LYVE1: variants seen among roughly 807,000 people sequenced by gnomAD.
LYVE1 encodes the protein lymphatic vessel endothelial hyaluronan receptor 1, also known as lymphatic vessel endothelial hyaluronic acid receptor 1.
In LYVE1, 29 loss-of-function variants were observed where a neutral mutation model predicts 31.5. The observed-to-expected ratio is 0.92, with a 90% CI of 0.69 to 1.26. The LOEUF is 1.26. LYVE1 is among the 50% of genes most tolerant of loss of function. The pLI, the probability that LYVE1 is intolerant of heterozygous loss-of-function variation, is 0.00. For synonymous variants in LYVE1, 134 were observed against 139.4 expected (o/e 0.96, Z 0.27); for missense variants, 376 against 380.2 (o/e 0.99, Z 0.09).
Position 10,568,575 on chromosome 11 carries a change from A to C in LYVE1, c.-43T>G, listed in dbSNP as rs921542009. ...AGCCAGGGAAACACCTCAGATGGCC[A>C]CTGGTGATATGAGAGGCAGATGCTC... On this transcript the variant is annotated 5_prime_UTR_variant, in exon 1 of 6. Transcript: ENST00000256178. The C allele has an allele frequency of 8.1e-6, 13 of 1,601,584 alleles. No homozygotes were observed. The highest frequency in any genetic ancestry group is 1.1e-5 in the Non-Finnish European group (13 of 1,173,480).
At chr11:10,563,677 A>G (rs1850476885) in intron 3 of LYVE1, among the ~76,000 whole-genome samples, 1 of 152,132 alleles carries the variant, frequency 6.6e-6, no homozygotes, top group African/African-American at 2.4e-5. Context: ...TGCTTATCTT[A>G]TAGGATGCAG....
chr11:10,567,728 C>CT (rs959367674), intron 1 of LYVE1, among the ~76,000 whole-genome samples: 4 of 152,212 alleles, frequency 2.6e-5, no homozygotes, highest in African/African-American at 9.6e-5. Flanking sequence ...CCAGCGATCA[C>CT]TTTAAGTCAT....
At chr11:10,567,487 C>G (rs1447728284) in intron 1 of LYVE1, among the ~76,000 whole-genome samples, 1 of 152,190 alleles carries the variant, frequency 6.6e-6, no homozygotes, top group African/African-American at 2.4e-5. Context: ...AAAAACTAAT[C>G]ATATAACTCT....
Position 10,563,815 on chromosome 11 carries a change from G to T in LYVE1, c.397+125C>A, listed in dbSNP as rs17403956. The T allele has an allele frequency of 1.2e-5, 15 of 1,224,114 alleles. No homozygotes were observed. The South Asian group carries it at 2.0e-4, about 17-fold the overall frequency. 75.8% of individuals were successfully genotyped at this position (1,224,114 alleles called of 1,614,324 possible). A position where few individuals can be genotyped will look rare whatever the true frequency, so the allele number is the denominator to read the frequency against. ...CTAGCCTGGCCAGAGAGACAGTGTC[G>T]GGAGAATTAGATGGCCGTGGCTGTG... On this transcript the variant is annotated intron_variant, in intron 3 of 5. Coordinates refer to ENST00000256178, the MANE Select transcript of LYVE1 (RefSeq NM_006691.4).
rs761627251 is a variant in LYVE1 at position 10,563,936 on chromosome 11, T to G, written c.397+4A>C. ...CACGTGGAAAGGTTGCAGATCAGAC[T>G]CACCAGATGAGTTGTAACAATAGGC... On this transcript the variant is annotated splice_donor_region_variant and intron_variant, in intron 3 of 5. Coordinates refer to ENST00000256178, the MANE Select transcript of LYVE1 (RefSeq NM_006691.4). The G allele has an allele frequency of 1.9e-6, 3 of 1,614,096 alleles. No individual in the cohort carries two copies. Among genetic ancestry groups the G allele is most frequent in the Non-Finnish European group, 2.5e-6 (3 of 1,180,020 alleles).
chr11:10,568,589 AG>A lies in LYVE1; in HGVS notation c.-58del. The A allele has an allele frequency of 6.3e-7, 1 of 1,582,100 alleles. No homozygotes were observed. On this transcript the variant is annotated 5_prime_UTR_variant, in exon 1 of 6. Transcript: ENST00000256178. The stretch of plus-strand genomic sequence containing the variant: ...CTCAGATGGCCACTGGTGATATGAG[AG>A]GCAGATGCTCAATAACTAGTCCGGA...
At chr11:10,559,954 A>C in intron 4 of LYVE1, 60 bp from the exon 5 acceptor site, 3 of 1,207,702 alleles carry the variant, frequency 2.5e-6, no homozygotes, top group East Asian at 2.3e-5. Flanking sequence ...TGTAATGCTC[A>C]TTGCATGATC....
At chr11:10,562,517 C>T (rs190989204) in intron 3 of LYVE1, among the ~76,000 whole-genome samples, 26 of 152,318 alleles carry the variant, frequency 1.7e-4, no homozygotes, top group Admixed American at 3.9e-4. Flanking sequence ...ATTTATCTCT[C>T]GGATCTTCGA....
In LYVE1 at chr11:10,564,240, C is replaced by T; in HGVS notation, c.220G>A (p.Val74Ile). 6.2e-7 allele frequency: 1 copy of T among 1,614,200 alleles called. No homozygotes were observed. The highest frequency in any genetic ancestry group is 1.1e-5 in the South Asian group (1 of 91,092). Residue 74 changes from valine to isoleucine, a missense_variant, in exon 2 of 6, where the codon GTT becomes ATT. Val to Ile is a conservative substitution (Grantham distance 29). Coordinates refer to ENST00000256178, the MANE Select transcript of LYVE1 (RefSeq NM_006691.4). ...LGLSLAGKDQ[V>I]ETALKASFET... is the part of the protein sequence containing the mutation. Reference sequence around the variant, plus strand: ...AAGCTAGCTTTCAAGGCTGTTTCAACTTGGTCCTTGCCGGCCAAACTTAGT... The same window carrying T: ...AAGCTAGCTTTCAAGGCTGTTTCAATTTGGTCCTTGCCGGCCAAACTTAGT...
At chr11:10,561,438 T>C (rs548157370) in intron 3 of LYVE1, among the ~76,000 whole-genome samples, 1 of 152,188 alleles carries the variant, frequency 6.6e-6, no homozygotes, top group South Asian at 2.1e-4. Context: ...AGACCAAATA[T>C]ACACATGTGG....
rs1378092330 is a variant in LYVE1, at chr11:10,558,555, G to A, written c.*556C>T. Reference sequence around the variant, plus strand: ...TCTATTTCTTTATTTTAGCTTTACAGAGATTAGGTCTCAAGTTATGAGAAT... The same window carrying A: ...TCTATTTCTTTATTTTAGCTTTACAAAGATTAGGTCTCAAGTTATGAGAAT... On this transcript the variant is annotated 3_prime_UTR_variant, in exon 6 of 6. Transcript: ENST00000256178. The A allele has an allele frequency of 1.3e-5, 2 of 152,314 alleles. No individual in the cohort carries two copies. The highest frequency in any genetic ancestry group is 2.9e-5 in the Non-Finnish European group (2 of 68,162). 9.4% of individuals were successfully genotyped at this position (152,314 alleles called of 1,614,324 possible).
At chr11:10,562,643 G>A (rs1422299538) in intron 3 of LYVE1, among the ~76,000 whole-genome samples, 3 of 152,198 alleles carry the variant, frequency 2.0e-5, no homozygotes, top group Non-Finnish European at 4.4e-5. Flanking sequence ...ATGACAAACT[G>A]AGAGCAAGTG....
At chr11:10,559,711 T>A (rs1383786274) in intron 5 of LYVE1, 105 bp downstream of exon 5, 3 of 893,026 alleles carry the variant, frequency 3.4e-6, no homozygotes, top group Non-Finnish European at 5.3e-6. Context: ...ATCAGAGGAC[T>A]GCTATCTCCA....
chr11:10,564,010 A>AT lies in LYVE1; in HGVS notation c.326dup (p.Asn109LysfsTer25). ...CCTTCCAAATCAGGACACCCACCCCATTTTTCCCACACTTGGGGTTTGGGC... is the reference window on the plus strand; with the variant it reads ...CCTTCCAAATCAGGACACCCACCCCATTTTTTCCCACACTTGGGGTTTGGGC... On this transcript the variant is annotated frameshift_variant, in exon 3 of 6. Transcript: ENST00000256178. LOFTEE classifies it high-confidence loss of function. The AT allele has an allele frequency of 6.2e-7, 1 of 1,613,888 alleles. No homozygotes were observed.
intron 4 of LYVE1, 84 bp from the exon 5 acceptor site, chr11:10,559,978 C>T (rs1466188314): frequency 5.1e-6 from 5 of 986,600 alleles, no homozygotes; most frequent in South Asian, 1.3e-5. Flanking sequence ...GTGATTGAGA[C>T]AGTAGACAGT....
intron 3 of LYVE1, among the ~76,000 whole-genome samples, 194 bp from the exon 4 acceptor site, chr11:10,560,994 T>A (rs935938111): frequency 6.6e-6 from 1 of 152,246 alleles, no homozygotes; most frequent in Non-Finnish European, 1.5e-5. Context: ...CAAGGCCTTC[T>A]GTGATTTGGC....
intron 1 of LYVE1, among the ~76,000 whole-genome samples, chr11:10,565,833 G>A (rs1043267881): frequency 2.0e-5 from 3 of 150,468 alleles, no homozygotes; most frequent in African/African-American, 2.4e-5. Context: ...TTTTTGAGAC[G>A]GAGTTTCACT....
At chr11:10,559,589 A>C (rs1407548432) in intron 5 of LYVE1, among the ~76,000 whole-genome samples, 1 of 152,104 alleles carries the variant, frequency 6.6e-6, no homozygotes, top group Non-Finnish European at 1.5e-5. Context: ...AATTTTTTTT[A>C]ATTTCTTGAT....
Position 10,559,211 on chromosome 11 carries a change from T to TC in LYVE1, c.868dup (p.Asp290GlyfsTer2). 6.2e-7 allele frequency: 1 copy of TC among 1,614,150 alleles called. No homozygotes were observed. ...CTTTGATTCCTCATTAGGGTTGCTA[T>TC]CATTGGCCTTCTCCTCCTTTACTAC... On this transcript the variant is annotated frameshift_variant, in exon 6 of 6. Transcript: ENST00000256178. LOFTEE classifies it high-confidence loss of function.
Sources: allele counts gnomAD v4.1 joint callset (sites outside exome capture counted in the v4.1 genomes callset), GRCh38; gene constraint gnomAD v4.1.1; transcripts MANE v1.5; gene names NCBI Gene and HGNC (gene_info 2026-07-23, HGNC 2026-07-21).